TNRC6A: variants seen among roughly 807,000 people sequenced by gnomAD.
TNRC6A encodes trinucleotide repeat-containing gene 6A protein.
Under a neutral mutation model 221.2 loss-of-function variants are expected in TNRC6A, and 44 were observed. The ratio of observed to expected loss-of-function variants is 0.20; its 90% CI spans 0.16 to 0.26. TNRC6A has a LOEUF of 0.26. Among genes scored for constraint, TNRC6A ranks in the 10% least tolerant of loss-of-function variants. TNRC6A has a pLI of 1.00. For synonymous variants in TNRC6A, 847 were observed against 838.5 expected, an observed-to-expected ratio of 1.01 and a Z score of -0.18; for missense variants, 2,199 against 2,404.4, an observed-to-expected ratio of 0.91 and a Z score of 1.79.
intron 11 of TNRC6A, among the ~76,000 whole-genome samples, chr16:24,799,359 T>C (rs574865701): frequency 2.0e-5 from 3 of 152,308 alleles, no homozygotes; most frequent in Non-Finnish European, 4.4e-5. Context: ...TATGTACTCT[T>C]CTGCACGCAT....
chr16:24,804,821 G>A lies in TNRC6A; in HGVS notation c.3954G>A (p.Leu1318=). The change falls in exon 13 of 25, where the codon CTG becomes CTA. Residue 1318 remains leucine, a synonymous_variant. Coordinates refer to ENST00000395799, the MANE Select transcript of TNRC6A (RefSeq NM_014494.4). ...AGGCCCTTGGCTCCATAGCAGGGCT[G>A]GGTATGCAAAACTTGAATTCTGTTA... is the stretch of plus-strand genomic sequence containing the variant. ...PNQALGSIAG[L]GMQNLNSVRQ... The A allele has an allele frequency of 3.7e-6, 6 of 1,612,572 alleles. No individual in the cohort carries two copies. The highest frequency in any genetic ancestry group is 5.1e-6 in the Non-Finnish European group (6 of 1,179,666).
chr16:24,665,157 A>C, intron 2 of TNRC6A: 2 of 323,710 alleles, frequency 6.2e-6, no homozygotes, highest in South Asian at 2.5e-5. Context: ...GCAGCCTTGA[A>C]CTCCTGGGCT....
At chr16:24,645,374 G>A (rs1902217863) in intron 2 of TNRC6A, among the ~76,000 whole-genome samples, 1 of 151,946 alleles carries the variant, frequency 6.6e-6, no homozygotes, top group South Asian at 2.1e-4. Flanking sequence ...GGTGGTAGTG[G>A]TGCATGCCTG....
chr16:24,776,912 CTT>C lies in TNRC6A; in HGVS notation c.164-18_164-17del. On this transcript the variant is annotated intron_variant, in intron 4 of 24. Coordinates refer to ENST00000395799, the MANE Select transcript of TNRC6A (RefSeq NM_014494.4). ...CTTTACTGGCTAATCTTTTCCACCC[CTT>C]TTCTTTTGTTGGGATTAGTGCCAGA... is the stretch of plus-strand genomic sequence containing the variant. 6.3e-7 allele frequency: 1 copy of C among 1,596,332 alleles called. No individual in the cohort carries two copies. The highest frequency in any genetic ancestry group is 8.6e-7 in the Non-Finnish European group (1 of 1,166,784).
chr16:24,669,067 C>T (rs1426086658), intron 2 of TNRC6A, among the ~76,000 whole-genome samples: 1 of 151,698 alleles, frequency 6.6e-6, no homozygotes, highest in African/African-American at 2.4e-5. Flanking sequence ...TTTATTTGAC[C>T]AATGAAAGGG....
intron 17 of TNRC6A, among the ~76,000 whole-genome samples, chr16:24,808,832 C>G (rs1052877123): frequency 6.6e-6 from 1 of 152,156 alleles, no homozygotes; most frequent in Non-Finnish European, 1.5e-5. Context: ...CTAGATTACT[C>G]TTTTAAGAAA....
At chr16:24,624,936 C>T (rs950553764) in intron 1 of TNRC6A, among the ~76,000 whole-genome samples, 1 of 152,106 alleles carries the variant, frequency 6.6e-6, no homozygotes, top group African/African-American at 2.4e-5. Context: ...GTTTTTCCAC[C>T]CCAGAGCATA....
chr16:24,823,551 G>T lies in TNRC6A; in HGVS notation c.5633G>T (p.Ser1878Ile), dbSNP rs745922177. 6.2e-7 allele frequency: 1 copy of T among 1,614,194 alleles called. No homozygotes were observed. The highest frequency in any genetic ancestry group is 2.2e-5 in the East Asian group (1 of 44,880). The stretch of plus-strand genomic sequence containing the variant: ...CCCGGCTGGCAGTCTCTCGGGTCCA[G>T]CCAGAGCCGGCTGGGCTCCCTCGAC... The part of the protein sequence containing the change: ...PSPGWQSLGS[S>I]QSRLGSLDCS... Residue 1878 changes from serine to isoleucine, a missense_variant, in exon 25 of 25, where the codon AGC (serine) becomes ATC (isoleucine). Ser to Ile is a moderately radical substitution (Grantham distance 142). Coordinates refer to ENST00000395799, the MANE Select transcript of TNRC6A (RefSeq NM_014494.4). The surrounding 1 kb of genome is among the most constrained non-coding windows in gnomAD (Gnocchi z 4.3).
chr16:24,643,931 G>A (rs1401760346), intron 2 of TNRC6A, among the ~76,000 whole-genome samples: 2 of 152,108 alleles, frequency 1.3e-5, no homozygotes, highest in African/African-American at 4.8e-5. Flanking sequence ...AGTGGATGAT[G>A]AGATGAGAGG....
chr16:24,711,600 G>C (rs1313858466), intron 2 of TNRC6A, among the ~76,000 whole-genome samples: 1 of 152,072 alleles, frequency 6.6e-6, no homozygotes, highest in Non-Finnish European at 1.5e-5. Flanking sequence ...CCTTTTGGGG[G>C]AGTCTGGGTT....
At chr16:24,668,986 T>G (rs2055232740) in intron 2 of TNRC6A, among the ~76,000 whole-genome samples, 2 of 148,476 alleles carry the variant, frequency 1.3e-5, no homozygotes, top group East Asian at 2.0e-4. Context: ...TTTTTATGGG[T>G]TTTTTTTTTC....
chr16:24,672,281 C>T (rs1343298020), intron 2 of TNRC6A, among the ~76,000 whole-genome samples: 3 of 152,088 alleles, frequency 2.0e-5, no homozygotes, highest in Non-Finnish European at 2.9e-5. Context: ...GCCGCCACGC[C>T]TGGCTAATTT....
chr16:24,814,258 T>C (rs2058606123), intron 18 of TNRC6A, among the ~76,000 whole-genome samples: 2 of 151,788 alleles, frequency 1.3e-5, no homozygotes, highest in African/African-American at 4.8e-5. Context: ...GGCCCGGCTG[T>C]GTGTTATAGA....
intron 5 of TNRC6A, chr16:24,778,463 A>G: frequency 1.0e-6 from 1 of 985,492 alleles, no homozygotes; most frequent in Non-Finnish European, 1.2e-6. Context: ...GGAAGAGGAC[A>G]CAAATGTGAG....
At chr16:24,671,057 A>T in intron 2 of TNRC6A, 1 of 351,340 alleles carries the variant, frequency 2.8e-6, no homozygotes, top group South Asian at 2.1e-5. Flanking sequence ...ACCCTCCGAC[A>T]GCACTGCAGC....
rs770041839 is a variant in TNRC6A at position 24,822,964 on chromosome 16, C to T, written c.5464C>T (p.Arg1822Cys). Reference sequence around the variant, plus strand: ...CCTCCCTCACGGAAATGCTCTGGTCCGCTACAGTTCAAAAGAAGAGGTAGT... The same window carrying T: ...CCTCCCTCACGGAAATGCTCTGGTCTGCTACAGTTCAAAAGAAGAGGTAGT... ...LNLPHGNALV[R>C]YSSKEEVVKA... Residue 1822 changes from arginine (R) to cysteine (C), a missense_variant, in exon 24 of 25, where the codon CGC (arginine) becomes TGC (cysteine). Physicochemically the swap from Arg to Cys is radical, Grantham distance 180 (BLOSUM62 -3). Coordinates refer to ENST00000395799, the MANE Select transcript of TNRC6A (RefSeq NM_014494.4). 14 of 1,614,210 alleles carry T rather than the reference C, an allele frequency of 8.7e-6. No homozygotes were observed. Among genetic ancestry groups the T allele is most frequent in the South Asian group, 2.2e-5 (2 of 91,082 alleles).
At chr16:24,780,059 A>T (rs187318428) in intron 5 of TNRC6A, among the ~76,000 whole-genome samples, 131 of 152,296 alleles carry the variant, frequency 8.6e-4, no homozygotes, top group African/African-American at 3.1e-3. Context: ...CAAACCATGT[A>T]ATGAAAGTGA....
Position 24,806,637 on chromosome 16 carries a change from T to C in TNRC6A, c.4393T>C (p.Leu1465=), listed in dbSNP as rs780402055. The part of the protein sequence containing the change: ...QQSRQLDPNL[L]VKQQTPPSQQ... ...ATCTCGTCAACTTGATCCAAACCTG[T>C]TGGTGAAGCAGCAGACTCCACCATC... The change falls in exon 17 of 25, where the codon TTG becomes CTG. Residue 1465 remains leucine, a synonymous_variant. Coordinates refer to ENST00000395799, the MANE Select transcript of TNRC6A (RefSeq NM_014494.4). The C allele has an allele frequency of 6.2e-7, 1 of 1,614,198 alleles. No individual in the cohort carries two copies. The highest frequency in any genetic ancestry group is 1.3e-5 in the African/African-American group (1 of 75,048).
chr16:24,740,951 A>G (rs865928028), intron 2 of TNRC6A, among the ~76,000 whole-genome samples: 3 of 152,220 alleles, frequency 2.0e-5, no homozygotes, highest in African/African-American at 7.2e-5. Context: ...AGATTTGTCC[A>G]TATTGTAGCG....
Sources: gnomAD v4.1 joint callset for allele counts (sites outside exome capture counted in the v4.1 genomes callset) on GRCh38, gnomAD v4.1.1 for gene constraint, Gnocchi (gnomAD v3.1) non-coding constraint, MANE v1.5 for transcripts, NCBI Gene and HGNC (gene_info 2026-07-23, HGNC 2026-07-21) for gene names.